Variants in SLC25A45 observed in about 807,000 individuals in gnomAD.
The protein encoded by SLC25A45 is solute carrier family 25 member 45, also known as methylated amino-acid transporter SLC25A45.
SLC25A45 carries 22 observed loss-of-function variants against 23.0 expected under a neutral mutation model. The observed-to-expected ratio is 0.95, with a 90% CI of 0.68 to 1.36. The LOEUF (loss-of-function observed/expected upper bound fraction) is 1.36. SLC25A45 is among the 40% of genes most tolerant of loss of function. The probability of loss-of-function intolerance (pLI) is 0.00; values close to 1 mark genes in which losing one functional copy is unlikely to be tolerated. For missense variants in SLC25A45, 355 were observed against 383.5 expected, an observed-to-expected ratio of 0.93 and a Z score of 0.62; for synonymous variants, 136 against 155.0, an observed-to-expected ratio of 0.88 and a Z score of 0.91.
chr11:65,381,804 C>G, intron 2 of SLC25A45, 111 bp downstream of exon 2: 9 of 1,383,344 alleles, frequency 6.5e-6, no homozygotes, highest in Non-Finnish European at 8.2e-6. Flanking sequence ...GTGATCCTCC[C>G]GCCAGGCCGG....
rs1855158299 is a variant in SLC25A45 at position 65,376,201 on chromosome 11, C to T, written c.*206G>A. 3.2e-6 allele frequency: 2 copies of T among 628,618 alleles called. No individual in the cohort carries two copies. Among genetic ancestry groups the T allele is most frequent in the Non-Finnish European group, 5.5e-6 (2 of 363,472 alleles). The allele number at this position is 628,618 out of a possible 1,614,324, so 38.9% of individuals were successfully genotyped here. ...ATGTGGGAGGCAAAGGAGTCAAGGCCAGCTACACAGGGAGGCTGCACAGGC... is the reference window on the plus strand; with the variant it reads ...ATGTGGGAGGCAAAGGAGTCAAGGCTAGCTACACAGGGAGGCTGCACAGGC... On this transcript the variant is annotated 3_prime_UTR_variant, in exon 7 of 7. Coordinates refer to ENST00000398802, the MANE Select transcript of SLC25A45 (RefSeq NM_182556.4).
chr11:65,380,039 GA>G (rs1424175210), intron 3 of SLC25A45, 92 bp downstream of exon 3: 2 of 1,586,538 alleles, frequency 1.3e-6, no homozygotes, highest in African/African-American at 2.7e-5. Context: ...GGAGAGGCAG[GA>G]AAGGCAAGAT....
chr11:65,381,731 T>C, intron 2 of SLC25A45, 184 bp downstream of exon 2: 1 of 669,050 alleles, frequency 1.5e-6, no homozygotes, highest in East Asian at 2.8e-5. Context: ...ATTATTTTGA[T>C]TTTTTTGTAG....
chr11:65,380,698 C>T, intron 2 of SLC25A45: 1 of 927,720 alleles, frequency 1.1e-6, no homozygotes, highest in Non-Finnish European at 1.5e-6. Context: ...TGCCCACTGC[C>T]TAGCCCTGCC....
chr11:65,383,649 T>G (rs1855672649), upstream of SLC25A45: 1 of 151,516 alleles, frequency 6.6e-6, no homozygotes, highest in African/African-American at 2.4e-5. Flanking sequence ...TCCCAGCTAC[T>G]TGGGATGCTG....
In SLC25A45 at chr11:65,381,976, G is replaced by A. The variant is rs1855589459; in HGVS notation, c.-18-7C>T. 6.2e-7 allele frequency: 1 copy of A among 1,609,042 alleles called. No homozygotes were observed. The highest frequency in any genetic ancestry group is 1.3e-5 in the African/African-American group (1 of 74,810). On this transcript the variant is annotated splice_polypyrimidine_tract_variant and splice_region_variant and intron_variant, in intron 1 of 6. Transcript: ENST00000398802. The stretch of plus-strand genomic sequence containing the variant: ...TTGTCTGGGCTTGCGGGAACTGGTG[G>A]CTCCAGCAGAGGAGACAGAGTTGAA...
In SLC25A45 at chr11:65,376,069, C is replaced by CAAA. The variant is rs35193480; in HGVS notation, c.*335_*337dup. ...TGGGTGACAGAGAAAGACTCCATCTCAAAAAAAAAAAAAAAAAAAAAAAGA... is the reference window on the plus strand; with the variant it reads ...TGGGTGACAGAGAAAGACTCCATCTCAAAAAAAAAAAAAAAAAAAAAAAAAAGA... On this transcript the variant is annotated 3_prime_UTR_variant, in exon 7 of 7. Coordinates refer to ENST00000398802, the MANE Select transcript of SLC25A45 (RefSeq NM_182556.4). 7.3e-4 allele frequency: 79 copies of CAAA among 108,600 alleles called. No homozygotes were observed. The highest frequency in any genetic ancestry group is 4.2e-3 in the Middle Eastern group (1 of 238). 6.7% of individuals were successfully genotyped at this position (108,600 alleles called of 1,614,324 possible).
At position 65,382,578 on chromosome 11, in the gene SLC25A45, A is replaced by G. The variant is rs2137833245; in HGVS notation, c.-111T>C. 1 of 155,014 alleles carries G rather than the reference A, an allele frequency of 6.5e-6. No homozygotes were observed. Among genetic ancestry groups the G allele is most frequent in the African/African-American group, 2.4e-5 (1 of 41,582 alleles). 9.6% of individuals were successfully genotyped at this position (155,014 alleles called of 1,614,324 possible). A position where few individuals can be genotyped will look rare whatever the true frequency, so the allele number is the denominator to read the frequency against. ...AGCCTTCCTCGGCTTCCTCCTTCCCAGGGGAAAGATAGGGGTTTTGATTAT... is the reference window on the plus strand; with the variant it reads ...AGCCTTCCTCGGCTTCCTCCTTCCCGGGGGAAAGATAGGGGTTTTGATTAT... On this transcript the variant is annotated 5_prime_UTR_variant, in exon 1 of 7. Transcript: ENST00000398802. The surrounding 1 kb of genome is among the most constrained non-coding windows in gnomAD (Gnocchi z 4.4).
chr11:65,375,817 C>G lies in SLC25A45; in HGVS notation c.*590G>C, dbSNP rs1348321242. ...GTGGCTCACGCCTGTAATCCCAGCA[C>G]TTTGAGAGGCCGACGCGGGCGGATC... On this transcript the variant is annotated 3_prime_UTR_variant, in exon 7 of 7. Transcript: ENST00000398802. 1 of 153,816 alleles carries G rather than the reference C, an allele frequency of 6.5e-6. No homozygotes were observed. The highest frequency in any genetic ancestry group is 1.4e-5 in the Non-Finnish European group (1 of 69,218). 9.5% of individuals were successfully genotyped at this position (153,816 alleles called of 1,614,324 possible). A position where few individuals can be genotyped will look rare whatever the true frequency, so the allele number is the denominator to read the frequency against.
chr11:65,377,341 C>G (rs1451979769), intron 5 of SLC25A45: 1 of 1,341,246 alleles, frequency 7.5e-7, no homozygotes, highest in Non-Finnish European at 9.5e-7. Flanking sequence ...GCCTGGCCTA[C>G]AGCAGGCACT....
intron 2 of SLC25A45, chr11:65,380,744 G>C (rs1445174390): frequency 2.2e-6 from 1 of 455,116 alleles, no homozygotes; most frequent in Non-Finnish European, 3.7e-6. Context: ...GTTTGGGGGA[G>C]GTCGCACCCC....
chr11:65,380,523 C>T (rs1205623645), intron 2 of SLC25A45: 18 of 1,385,408 alleles, frequency 1.3e-5, no homozygotes, highest in Non-Finnish European at 1.7e-5. Context: ...GAGAATCACC[C>T]AGGTTCCCAC....
At position 65,380,470 on chromosome 11, in the gene SLC25A45, C is replaced by G. The variant is rs1404722727; in HGVS notation, c.38-295G>C. 12 of 1,264,058 alleles carry G rather than the reference C, an allele frequency of 9.5e-6. No homozygotes were observed. In the East Asian group the frequency reaches 3.5e-4, roughly 37 times the overall value. 78.3% of individuals were successfully genotyped at this position (1,264,058 alleles called of 1,614,324 possible). A position where few individuals can be genotyped will look rare whatever the true frequency, so the allele number is the denominator to read the frequency against. On this transcript the variant is annotated intron_variant, in intron 2 of 6. Transcript: ENST00000398802. ...AAGACGTACGTGTCCTCGCTGGAGC[C>G]CATACCCGGGTATCCCACCGCCTAT...
chr11:65,377,427 T>C, intron 5 of SLC25A45: 2 of 1,097,382 alleles, frequency 1.8e-6, no homozygotes, highest in Non-Finnish European at 2.2e-6. Flanking sequence ...AGCATACCTG[T>C]ACGGTGGGCA....
rs1717389301 is a variant in SLC25A45, at chr11:65,380,166, C to A, written c.47G>T (p.Gly16Val). The A allele has an allele frequency of 5.6e-6, 9 of 1,614,200 alleles. No individual in the cohort carries two copies. Among genetic ancestry groups the A allele is most frequent in the Non-Finnish European group, 7.6e-6 (9 of 1,180,020 alleles). Reference sequence around the variant, plus strand: ...GTCAAACGGGTGTCCCAGGACCAAGCCCAGAGCGCCTGTGGTGACAAGAGG... The same window carrying A: ...GTCAAACGGGTGTCCCAGGACCAAGACCAGAGCGCCTGTGGTGACAAGAGG... ...FVAGWISGAL[G>V]LVLGHPFDTV... The change falls in exon 3 of 7, where the codon GGC becomes GTC. Residue 16 changes from glycine to valine, a missense_variant. By Grantham distance (109) the Gly-to-Val change is moderately radical. Transcript: ENST00000398802.
Position 65,377,038 on chromosome 11 carries a change from C to A in SLC25A45, c.378G>T (p.Arg126=), listed in dbSNP as rs200916919. 1 of 1,614,032 alleles carries A rather than the reference C, an allele frequency of 6.2e-7. No homozygotes were observed. The highest frequency in any genetic ancestry group is 1.3e-5 in the African/African-American group (1 of 75,050). The change falls in exon 6 of 7, where the codon CGG becomes CGT. Residue 126 remains arginine, a synonymous_variant. Transcript: ENST00000398802. ...CCCTTGGCTCTGTCTGGTTTTGTAG[C>A]CGGACTTTGATGAGGTCAAAAGGAG... is the stretch of plus-strand genomic sequence containing the variant. ...CLAPFDLIKV[R]LQNQTEPRAQ...
rs774930220 is a variant in SLC25A45 at position 65,379,384 on chromosome 11, AC to A, written c.330del (p.Phe111SerfsTer60). The A allele has an allele frequency of 3.7e-6, 6 of 1,608,496 alleles. No individual in the cohort carries two copies. Among genetic ancestry groups the A allele is most frequent in the African/African-American group, 1.3e-5 (1 of 74,672 alleles). The part of the protein sequence containing the change: ...MHIFLAGCTG[G>X]FLQAYCLAPF... ...ACTCACTGCCCCCTCACCTGCAGGAACCCCCCGGTGCAGCCCGCTAGGAAGA... is the reference window on the plus strand; with the variant it reads ...ACTCACTGCCCCCTCACCTGCAGGAACCCCCGGTGCAGCCCGCTAGGAAGA... On this transcript the variant is annotated frameshift_variant, in exon 5 of 7. Coordinates refer to ENST00000398802, the MANE Select transcript of SLC25A45 (RefSeq NM_182556.4). LOFTEE classifies it high-confidence loss of function.
chr11:65,378,563 G>T (rs1277549160), intron 5 of SLC25A45: 1 of 152,254 alleles, frequency 6.6e-6, no homozygotes, highest in African/African-American at 2.4e-5. Flanking sequence ...CACAAGAAGG[G>T]GCAGAAGAAA....
chr11:65,377,534 C>T (rs931474120), intron 5 of SLC25A45: 2 of 511,214 alleles, frequency 3.9e-6, no homozygotes, highest in Non-Finnish European at 5.1e-6. Context: ...TGTTCTCCTG[C>T]GCCCACCTCT....
Sources: allele counts gnomAD v4.1 joint callset, GRCh38; gene constraint gnomAD v4.1.1; non-coding constraint Gnocchi (gnomAD v3.1); transcripts MANE v1.5; gene names NCBI Gene and HGNC (gene_info 2026-07-23, HGNC 2026-07-21).